SERGEF: variants seen among roughly 807,000 people sequenced by gnomAD.
SERGEF encodes the protein secretion regulating guanine nucleotide exchange factor.
In SERGEF, 51 loss-of-function variants were observed where a neutral mutation model predicts 50.0. The observed-to-expected ratio is 1.02, with a 90% CI of 0.81 to 1.29. The LOEUF is 1.29. Ranked by LOEUF, SERGEF falls within the 50% of genes most tolerant of loss-of-function variation. The pLI, the probability that SERGEF is intolerant of heterozygous loss-of-function variation, is 0.00. For missense variants in SERGEF, 521 were observed against 557.0 expected, an observed-to-expected ratio of 0.94 and a Z score of 0.65; for synonymous variants, 205 against 212.4, an observed-to-expected ratio of 0.97 and a Z score of 0.30.
intron 9 of SERGEF, among the ~76,000 whole-genome samples, chr11:17,949,097 G>A (rs1852723921): frequency 6.6e-6 from 1 of 152,136 alleles, no homozygotes; most frequent in African/African-American, 2.4e-5. Flanking sequence ...GGATCTTGGG[G>A]GTCTAAAGGC....
chr11:17,928,742 G>A (rs2237919), intron 9 of SERGEF, among the ~76,000 whole-genome samples: 5 of 151,768 alleles, frequency 3.3e-5, no homozygotes, highest in Non-Finnish European at 7.4e-5. Context: ...CCAAAAGCCA[G>A]AACAGAAGAC....
chr11:17,981,139 C>T (rs962266046), intron 8 of SERGEF, among the ~76,000 whole-genome samples: 2 of 152,254 alleles, frequency 1.3e-5, no homozygotes, highest in East Asian at 1.9e-4. Flanking sequence ...GTCACTCCTT[C>T]GGCCCTTGGC....
intron 10 of SERGEF, among the ~76,000 whole-genome samples, chr11:17,873,033 T>C (rs1340979209): frequency 6.6e-6 from 1 of 152,050 alleles, no homozygotes; most frequent in African/African-American, 2.4e-5. Flanking sequence ...TTTGGGGAGC[T>C]AGAGAGAGGG....
intron 9 of SERGEF, among the ~76,000 whole-genome samples, chr11:17,911,064 T>C (rs1490374038): frequency 1.3e-5 from 2 of 152,134 alleles, no homozygotes; most frequent in African/African-American, 4.8e-5. Context: ...GTGCCAGACA[T>C]GGGGCACATG....
intron 7 of SERGEF, among the ~76,000 whole-genome samples, chr11:17,990,296 A>G (rs1033225057): frequency 6.6e-6 from 1 of 152,180 alleles, no homozygotes; most frequent in Non-Finnish European, 1.5e-5. Flanking sequence ...CTCAACTCCA[A>G]AATGAGGGAG....
At position 17,884,819 on chromosome 11, in the gene SERGEF, G is replaced by C. The variant is rs1851399550; in HGVS notation, c.1012-6575C>G. 6.6e-6 allele frequency among the ~76,000 whole-genome samples: 1 copy of C among 152,202 alleles called. No homozygotes were observed. The highest frequency in any genetic ancestry group is 2.4e-5 in the African/African-American group (1 of 41,442). ...CTAGGTTCTGCTATCTTCCAGAGAA[G>C]TTGGGGTGAGAAGAAGAGAGCTAAA... On this transcript the variant is annotated intron_variant, in intron 9 of 10. Coordinates refer to ENST00000265965, the MANE Select transcript of SERGEF (RefSeq NM_012139.4). The surrounding 1 kb of genome is among the most constrained non-coding windows in gnomAD (Gnocchi z 4.6).
In SERGEF at chr11:17,857,222, C is replaced by T. The variant is rs562469783; in HGVS notation, c.1048+20986G>A. Among the ~76,000 whole-genome samples the T allele has an allele frequency of 1.6e-4, 24 of 152,250 alleles. No homozygotes were observed. The South Asian group carries it at 4.1e-3, about 26-fold the overall frequency. ...GCTGAAGTTAGGACTTGTGGGTGACCGTTCCGGACATAGCCCATAACTTGC... is the reference window on the plus strand; with the variant it reads ...GCTGAAGTTAGGACTTGTGGGTGACTGTTCCGGACATAGCCCATAACTTGC... On this transcript the variant is annotated intron_variant, in intron 10 of 10. Transcript: ENST00000265965.
rs111439896 is a variant in SERGEF at position 17,886,409 on chromosome 11, A to G, written c.1012-8165T>C. Among the ~76,000 whole-genome samples the G allele has an allele frequency of 8.0e-3, 1,220 of 152,258 alleles. 20 individuals are homozygous for G. Among genetic ancestry groups the G allele is most frequent in the African/African-American group, 0.028 (1,160 of 41,552 alleles). On this transcript the variant is annotated intron_variant, in intron 9 of 10. Transcript: ENST00000265965. Reference sequence around the variant, plus strand: ...CAGATAGCTTGAGCTCATGAGTTCAAGACCAGCCTGGGCAACATGGCGAAA... The same window carrying G: ...CAGATAGCTTGAGCTCATGAGTTCAGGACCAGCCTGGGCAACATGGCGAAA...
chr11:17,968,057 C>A (rs1436964758), intron 8 of SERGEF, among the ~76,000 whole-genome samples: 1 of 152,236 alleles, frequency 6.6e-6, no homozygotes, highest in Non-Finnish European at 1.5e-5. Context: ...TCCCTCCAAA[C>A]ATAGGGTTAT....
chr11:17,935,295 A>T (rs1852429553), intron 9 of SERGEF, among the ~76,000 whole-genome samples: 1 of 152,210 alleles, frequency 6.6e-6, no homozygotes, highest in African/African-American at 2.4e-5. Flanking sequence ...CCTCAGACAT[A>T]GTGGACCATG....
intron 5 of SERGEF, among the ~76,000 whole-genome samples, chr11:17,997,029 AT>A (rs1433799219): frequency 1.3e-5 from 2 of 152,126 alleles, no homozygotes; most frequent in Non-Finnish European, 2.9e-5. Context: ...ATATAGTGAG[AT>A]CTCATTTCTA....
intron 9 of SERGEF, among the ~76,000 whole-genome samples, chr11:17,899,741 C>T (rs534327606): frequency 6.6e-6 from 1 of 152,040 alleles, no homozygotes; most frequent in South Asian, 2.1e-4. Flanking sequence ...TCACTTGAGG[C>T]CAGCGGTTCA....
chr11:17,864,828 C>A (rs1850992146), intron 10 of SERGEF, among the ~76,000 whole-genome samples: 1 of 152,192 alleles, frequency 6.6e-6, no homozygotes, highest in African/African-American at 2.4e-5. Context: ...GAGTGCTAGT[C>A]CCAGCTCTGC....
At chr11:17,846,687 A>G (rs1361790083) in intron 10 of SERGEF, 4 of 456,176 alleles carry the variant, frequency 8.8e-6, no homozygotes, top group Admixed American at 2.3e-5. Context: ...GATCTTGAGT[A>G]TATCTCTTAA....
intron 9 of SERGEF, among the ~76,000 whole-genome samples, chr11:17,886,337 C>A (rs181238010): frequency 6.6e-6 from 1 of 152,100 alleles, no homozygotes; most frequent in African/African-American, 2.4e-5. Context: ...AAGCTGGACA[C>A]GGTGGCACAC....
chr11:17,956,923 A>G (rs1208147970), intron 9 of SERGEF, among the ~76,000 whole-genome samples: 1 of 152,192 alleles, frequency 6.6e-6, no homozygotes, highest in Middle Eastern at 3.2e-3. Context: ...CACTCTTAGT[A>G]GCATATAGCT....
chr11:17,853,450 T>C (rs1850750827), intron 10 of SERGEF: 2 of 152,258 alleles, frequency 1.3e-5, no homozygotes, highest in African/African-American at 4.8e-5. Context: ...ACAGTGCTTC[T>C]TCCCAGGCAA....
chr11:17,837,551 C>T (rs1005326409), intron 10 of SERGEF, among the ~76,000 whole-genome samples: 1 of 151,172 alleles, frequency 6.6e-6, no homozygotes, highest in Non-Finnish European at 1.5e-5. Context: ...TCCCCTTTGT[C>T]TTCTGTCATG....
chr11:17,827,504 A>C (rs1850217702), intron 10 of SERGEF, among the ~76,000 whole-genome samples: 1 of 152,238 alleles, frequency 6.6e-6, no homozygotes, highest in Non-Finnish European at 1.5e-5. Context: ...TGAAATCTGC[A>C]GTGTATGTTC....
Sources: allele counts gnomAD v4.1 joint callset (sites outside exome capture counted in the v4.1 genomes callset), GRCh38; gene constraint gnomAD v4.1.1; non-coding constraint Gnocchi (gnomAD v3.1); transcripts MANE v1.5; gene names NCBI Gene and HGNC (gene_info 2026-07-23, HGNC 2026-07-21).